Variants in CNTN1 observed in about 807,000 individuals in gnomAD.
CNTN1 encodes contactin-1.
CNTN1 carries 38 observed loss-of-function variants against 126.4 expected under a neutral mutation model. That is an observed-to-expected ratio of 0.30 (90% CI 0.23 to 0.39). The LOEUF (loss-of-function observed/expected upper bound fraction) is 0.39. Ranked by LOEUF, CNTN1 falls within the 10% of genes least tolerant of loss-of-function variation. The pLI is 1.00. For synonymous variants in CNTN1, 413 were observed against 422.6 expected (o/e 0.98, Z 0.28); for missense variants, 1,009 against 1,248.4 (o/e 0.81, Z 2.89).
intron 17 of CNTN1, among the ~76,000 whole-genome samples, chr12:40,994,655 A>G (rs879593023): frequency 4.6e-5 from 7 of 152,096 alleles, no homozygotes; most frequent in Non-Finnish European, 1.0e-4. Flanking sequence ...GCTATGTGGT[A>G]TCTGTCTCCT....
chr12:40,964,588 G>C lies in CNTN1; in HGVS notation c.1804+5354G>C, dbSNP rs543565744. Reference sequence around the variant, plus strand: ...TGCAGCTTTCCACTTTATTTCTAAGGAAAAAATACAGTTACAGAATGGAGA... The same window carrying C: ...TGCAGCTTTCCACTTTATTTCTAAGCAAAAAATACAGTTACAGAATGGAGA... On this transcript the variant is annotated intron_variant, in intron 15 of 23. Transcript: ENST00000551295. 2.4e-3 allele frequency among the ~76,000 whole-genome samples: 350 copies of C among 148,504 alleles called. 10 individuals are homozygous for C. Among genetic ancestry groups the C allele is most frequent in the Admixed American group, 0.023 (340 of 14,808 alleles).
chr12:40,765,929 A>G (rs1939066203), intron 1 of CNTN1, among the ~76,000 whole-genome samples: 1 of 152,230 alleles, frequency 6.6e-6, no homozygotes, highest in Non-Finnish European at 1.5e-5. Flanking sequence ...AAATTTTACA[A>G]GTCCTGGGCA....
intron 1 of CNTN1, among the ~76,000 whole-genome samples, chr12:40,806,384 T>G (rs559212877): frequency 1.9e-4 from 29 of 152,286 alleles, no homozygotes; most frequent in African/African-American, 7.0e-4. Context: ...TGTTTGTTTT[T>G]ACCATTCCCC....
intron 15 of CNTN1, chr12:40,972,493 CAGA>C: frequency 1.0e-6 from 1 of 956,452 alleles, no homozygotes; most frequent in Non-Finnish European, 1.2e-6. Flanking sequence ...TCTCTGTGGT[CAGA>C]AGAACTCTGA....
At chr12:40,727,975 T>G (rs2121247846) in intron 1 of CNTN1, among the ~76,000 whole-genome samples, 1 of 152,288 alleles carries the variant, frequency 6.6e-6, no homozygotes, top group South Asian at 2.1e-4. Context: ...GCAGCAGGGC[T>G]TGGCTGGTGT....
At position 40,980,963 on chromosome 12, in the gene CNTN1, T is replaced by C. The variant is rs1947804294; in HGVS notation, c.1859T>C (p.Val620Ala). 1.2e-6 allele frequency: 2 copies of C among 1,613,872 alleles called. No homozygotes were observed. Among genetic ancestry groups the C allele is most frequent in the African/African-American group, 2.7e-5 (2 of 74,930 alleles). The stretch of plus-strand genomic sequence containing the variant: ...ATAGAAGACATTAGAGCCACTTCTG[T>C]GGCACTTACTTGGAGCCGTGGTTCA... ...LRIEDIRATSVALTWSRGSDN... is the reference protein window; with the variant it reads ...LRIEDIRATSAALTWSRGSDN... The change falls in exon 16 of 24, where the codon GTG becomes GCG. Residue 620 changes from valine (V) to alanine (A), a missense_variant. By Grantham distance (64) the Val-to-Ala change is moderately conservative. Coordinates refer to ENST00000551295, the MANE Select transcript of CNTN1 (RefSeq NM_001843.4).
intron 1 of CNTN1, among the ~76,000 whole-genome samples, chr12:40,725,141 C>T (rs530295504): frequency 1.3e-5 from 2 of 152,260 alleles, no homozygotes; most frequent in East Asian, 1.9e-4. Flanking sequence ...GTGGCTCATG[C>T]CTGTAATCCC....
chr12:40,820,398 T>A (rs1941407507), intron 1 of CNTN1, among the ~76,000 whole-genome samples: 1 of 152,308 alleles, frequency 6.6e-6, no homozygotes, highest in South Asian at 2.1e-4. Context: ...GCTCTGATTC[T>A]GAGGTGTGGA....
chr12:41,068,695 A>T (rs2121161540), intron 23 of CNTN1, among the ~76,000 whole-genome samples: 1 of 152,346 alleles, frequency 6.6e-6, no homozygotes, highest in East Asian at 1.9e-4. Flanking sequence ...GTCACTTTTA[A>T]TGTGATAGAT....
chr12:41,015,775 A>G (rs1345492199), intron 18 of CNTN1, among the ~76,000 whole-genome samples: 2 of 152,114 alleles, frequency 1.3e-5, no homozygotes, highest in Non-Finnish European at 2.9e-5. Flanking sequence ...TTGCCAAAAA[A>G]GGCTAACTGA....
At chr12:40,888,559 A>G (rs546318150) in intron 1 of CNTN1, among the ~76,000 whole-genome samples, 14 of 152,292 alleles carry the variant, frequency 9.2e-5, no homozygotes, top group Admixed American at 7.8e-4. Flanking sequence ...ATGGTTTACA[A>G]TCTTAACTTG....
intron 1 of CNTN1, among the ~76,000 whole-genome samples, chr12:40,864,406 T>C (rs1171842774): frequency 6.6e-6 from 1 of 152,122 alleles, no homozygotes; most frequent in Non-Finnish European, 1.5e-5. Context: ...AATTCACTGA[T>C]TTATAGTTGT....
chr12:40,877,032 G>A (rs1244836407), intron 1 of CNTN1, among the ~76,000 whole-genome samples: 1 of 152,112 alleles, frequency 6.6e-6, no homozygotes, highest in Non-Finnish European at 1.5e-5. Flanking sequence ...GTTTTGAGCT[G>A]CTCTAAGAAC....
At chr12:40,894,437 C>T (rs372411603) in intron 1 of CNTN1, among the ~76,000 whole-genome samples, 4 of 152,160 alleles carry the variant, frequency 2.6e-5, no homozygotes, top group Admixed American at 6.5e-5. Context: ...TGTAACAAAT[C>T]GACTACAGTA....
At chr12:41,062,016 T>C (rs918279831) in intron 23 of CNTN1, 27 of 196,000 alleles carry the variant, frequency 1.4e-4, no homozygotes, top group African/African-American at 6.4e-4. Context: ...TATCATAAAA[T>C]AGATATTTTA....
chr12:40,879,055 T>A (rs1943783206), intron 1 of CNTN1, among the ~76,000 whole-genome samples: 2 of 152,152 alleles, frequency 1.3e-5, no homozygotes, highest in Admixed American at 6.6e-5. Context: ...AGGTCACATA[T>A]CCCAGCCTTG....
chr12:40,721,617 T>C (rs1592011099), intron 1 of CNTN1, among the ~76,000 whole-genome samples: 3 of 150,182 alleles, frequency 2.0e-5, no homozygotes, highest in South Asian at 4.2e-4. Flanking sequence ...TAGTTACATA[T>C]GTATACATGT....
intron 14 of CNTN1, among the ~76,000 whole-genome samples, chr12:40,946,120 A>G (rs1175950522): frequency 4.6e-5 from 7 of 152,202 alleles, no homozygotes; most frequent in African/African-American, 9.6e-5. Flanking sequence ...ACTGAATTCT[A>G]TCTTTCAAAC....
intron 2 of CNTN1, 58 bp from the exon 3 acceptor site, chr12:40,910,015 G>A: frequency 8.3e-6 from 11 of 1,326,748 alleles, no homozygotes; most frequent in Non-Finnish European, 1.2e-5. Flanking sequence ...AGTAATGTTT[G>A]AAACCACAAT....
Sources: allele counts gnomAD v4.1 joint callset (sites outside exome capture counted in the v4.1 genomes callset), GRCh38; gene constraint gnomAD v4.1.1; transcripts MANE v1.5; gene names NCBI Gene and HGNC (gene_info 2026-07-23, HGNC 2026-07-21).